ZFPM2: variants seen among roughly 807,000 people sequenced by gnomAD.
ZFPM2 encodes the protein zinc finger protein ZFPM2.
ZFPM2 carries 20 observed loss-of-function variants against 98.6 expected under a neutral mutation model. The ratio of observed to expected loss-of-function variants is 0.20; its 90% CI spans 0.14 to 0.29. ZFPM2 has a LOEUF of 0.29. Among genes scored for constraint, ZFPM2 ranks in the 10% least tolerant of loss-of-function variants. The probability of loss-of-function intolerance (pLI) is 1.00; values close to 1 mark genes in which losing one functional copy is unlikely to be tolerated. For synonymous variants in ZFPM2, 518 were observed against 502.7 expected (o/e 1.03, Z -0.41); for missense variants, 1,310 against 1,388.6 (o/e 0.94, Z 0.90).
intron 3 of ZFPM2, among the ~76,000 whole-genome samples, chr8:105,463,254 A>G (rs572387598): frequency 1.0e-3 from 156 of 151,518 alleles, no homozygotes; most frequent in Non-Finnish European, 1.8e-3. Flanking sequence ...ATATATGTAT[A>G]TAAACCATCT....
intron 3 of ZFPM2, among the ~76,000 whole-genome samples, chr8:105,516,411 A>C (rs1276246119): frequency 1.7e-5 from 2 of 120,990 alleles, no homozygotes; most frequent in Non-Finnish European, 3.2e-5. Context: ...AATGCAAGCA[A>C]TGTTATAAGA....
chr8:105,702,478 A>G (rs1329007875), intron 5 of ZFPM2, among the ~76,000 whole-genome samples: 1 of 152,152 alleles, frequency 6.6e-6, no homozygotes, highest in Admixed American at 6.5e-5. Context: ...TTCCACTTCT[A>G]CCTTTTCTTC....
At chr8:105,589,553 T>TA (rs1271337657) in intron 4 of ZFPM2, among the ~76,000 whole-genome samples, 1 of 152,194 alleles carries the variant, frequency 6.6e-6, no homozygotes, top group African/African-American at 2.4e-5. Flanking sequence ...TACGTTAACA[T>TA]AAAAGAGTAC....
chr8:105,733,716 A>G (rs1221887584), intron 5 of ZFPM2, among the ~76,000 whole-genome samples: 1 of 151,862 alleles, frequency 6.6e-6, no homozygotes, highest in Non-Finnish European at 1.5e-5. Flanking sequence ...TGGATAGATT[A>G]AATTCTATTT....
At chr8:105,319,046 G>C (rs904723352) in intron 1 of ZFPM2, 65 bp downstream of exon 1, 16 of 1,452,048 alleles carry the variant, frequency 1.1e-5, no homozygotes, top group Non-Finnish European at 1.5e-5. Flanking sequence ...GCGCGGGACG[G>C]GAAAGCGGTG....
chr8:105,676,972 C>A (rs1161699977), intron 5 of ZFPM2, among the ~76,000 whole-genome samples: 1 of 151,746 alleles, frequency 6.6e-6, no homozygotes, highest in Non-Finnish European at 1.5e-5. Flanking sequence ...TAGAAGAAAC[C>A]AAAATATACT....
intron 1 of ZFPM2, among the ~76,000 whole-genome samples, chr8:105,390,188 A>G (rs1396222547): frequency 6.6e-6 from 1 of 152,128 alleles, no homozygotes; most frequent in Non-Finnish European, 1.5e-5. Context: ...ACCAATCTCA[A>G]ACTCAGAGGT....
At chr8:105,323,963 A>G (rs886706359) in intron 1 of ZFPM2, among the ~76,000 whole-genome samples, 6 of 151,840 alleles carry the variant, frequency 4.0e-5, no homozygotes, top group African/African-American at 1.2e-4. Context: ...GTTTAATATT[A>G]TATATCTTAG....
intron 3 of ZFPM2, among the ~76,000 whole-genome samples, chr8:105,542,156 TATTG>T (rs970585768): frequency 1.8e-4 from 28 of 152,084 alleles, no homozygotes; most frequent in African/African-American, 6.3e-4. Flanking sequence ...GTAATTAATT[TATTG>T]ATTGATAGTG....
chr8:105,735,272 A>G (rs1451202105), intron 5 of ZFPM2, among the ~76,000 whole-genome samples: 1 of 151,358 alleles, frequency 6.6e-6, no homozygotes, highest in African/African-American at 2.4e-5. Flanking sequence ...AAATATTAAT[A>G]TGTGCCCTTT....
chr8:105,531,477 T>TG (rs1422463611), intron 3 of ZFPM2, among the ~76,000 whole-genome samples: 1 of 152,152 alleles, frequency 6.6e-6, no homozygotes, highest in Non-Finnish European at 1.5e-5. Context: ...ACCATCTTCT[T>TG]ATAACGACAC....
chr8:105,713,551 GTTGCAAGAAC>G (rs1414991475), intron 5 of ZFPM2, among the ~76,000 whole-genome samples: 1 of 151,958 alleles, frequency 6.6e-6, no homozygotes, highest in Non-Finnish European at 1.5e-5. Context: ...TTTTGTTTTT[GTTGCAAGAAC>G]TTTTGAGGAC....
At chr8:105,741,540 C>T (rs1308867027) in intron 5 of ZFPM2, among the ~76,000 whole-genome samples, 3 of 152,016 alleles carry the variant, frequency 2.0e-5, no homozygotes, top group Non-Finnish European at 4.4e-5. Context: ...TTGGCACATC[C>T]GTGGTCATAG....
chr8:105,596,791 G>C (rs1815980496), intron 4 of ZFPM2, among the ~76,000 whole-genome samples: 1 of 135,640 alleles, frequency 7.4e-6, no homozygotes, highest in Admixed American at 7.8e-5. Context: ...TTCCTGAGCA[G>C]ATAGAGCAGA....
rs569393024 is a variant in ZFPM2, at chr8:105,654,500, G to A, written c.532+20143G>A. On this transcript the variant is annotated intron_variant, in intron 5 of 7. Coordinates refer to ENST00000407775, the MANE Select transcript of ZFPM2 (RefSeq NM_012082.4). ...CTAATACACATCCAGTTCTTGGATT[G>A]GATTTGAAGTTTTGTGCCGGAGACA... Among the ~76,000 whole-genome samples, 10 of 152,284 alleles carry A rather than the reference G, an allele frequency of 6.6e-5. 1 individual carries two copies. In the South Asian group the frequency reaches 2.1e-3, roughly 32 times the overall value.
chr8:105,328,590 A>G (rs181202166), intron 1 of ZFPM2, among the ~76,000 whole-genome samples: 2 of 151,988 alleles, frequency 1.3e-5, no homozygotes, highest in East Asian at 3.9e-4. Flanking sequence ...GCTAACCTAG[A>G]TTTGGCAACA....
chr8:105,396,740 A>G (rs1811227810), intron 1 of ZFPM2, among the ~76,000 whole-genome samples: 1 of 152,176 alleles, frequency 6.6e-6, no homozygotes, highest in African/African-American at 2.4e-5. Context: ...TTGCATTAGA[A>G]TGGCCTTTTA....
intron 1 of ZFPM2, among the ~76,000 whole-genome samples, chr8:105,408,758 CT>C (rs1811518119): frequency 1.3e-5 from 2 of 151,670 alleles, no homozygotes; most frequent in African/African-American, 4.8e-5. Context: ...TCATTATTTA[CT>C]GTGTCAAACC....
At chr8:105,508,771 A>G (rs1813752658) in intron 3 of ZFPM2, among the ~76,000 whole-genome samples, 1 of 150,662 alleles carries the variant, frequency 6.6e-6, no homozygotes, top group Non-Finnish European at 1.5e-5. Flanking sequence ...ATTTGGAGAC[A>G]GCCCATCTTT....
Sources: gnomAD v4.1 joint callset for allele counts (sites outside exome capture counted in the v4.1 genomes callset) on GRCh38, gnomAD v4.1.1 for gene constraint, MANE v1.5 for transcripts, NCBI Gene and HGNC (gene_info 2026-07-23, HGNC 2026-07-21) for gene names.